Variants in TOGARAM1 observed in about 807,000 individuals in gnomAD.
TOGARAM1 encodes TOG array regulator of axonemal microtubules 1, also known as TOG array regulator of axonemal microtubules protein 1.
In TOGARAM1, 100 loss-of-function variants were observed where a neutral mutation model predicts 166.6. The observed-to-expected ratio is 0.60, with a 90% confidence interval of 0.51 to 0.71. The LOEUF (loss-of-function observed/expected upper bound fraction) is 0.71, where lower values mean the gene tolerates loss of function less well. Ranked by LOEUF, TOGARAM1 falls within the 30% of genes least tolerant of loss-of-function variation. The pLI, the probability that TOGARAM1 is intolerant of heterozygous loss-of-function variation, is 0.00. For missense variants in TOGARAM1, 2,029 were observed against 2,102.7 expected (o/e 0.96, Z 0.69); for synonymous variants, 758 against 763.8 (o/e 0.99, Z 0.13).
chr14:44,997,380 T>C (rs997350157), intron 2 of TOGARAM1: 14 of 113,178 alleles, frequency 1.2e-4, no homozygotes, highest in Non-Finnish European at 1.8e-4. Context: ...CACTCCAGCC[T>C]GGCAACAAAG....
Position 44,964,291 on chromosome 14 carries a change from T to C in TOGARAM1, c.1870T>C (p.Cys624Arg), listed in dbSNP as rs1398937069. Reference sequence around the variant, plus strand: ...TGGTAACAGAACTCAGAGTGCACACTGTCACTGTGGTGACCACGTGAGGGA... The same window carrying C: ...TGGTAACAGAACTCAGAGTGCACACCGTCACTGTGGTGACCACGTGAGGGA... ...LAGNRTQSAH[C>R]HCGDHVRDSM... Residue 624 changes from cysteine (C) to arginine (R), a missense_variant, in exon 1 of 20, where the codon TGT becomes CGT. Cys to Arg is a radical substitution (Grantham distance 180, BLOSUM62 -3). Transcript: ENST00000361462. The C allele has an allele frequency of 1.2e-6, 2 of 1,614,078 alleles. No homozygotes were observed. Among genetic ancestry groups the C allele is most frequent in the Non-Finnish European group, 1.7e-6 (2 of 1,180,050 alleles).
rs1450880308 is a variant in TOGARAM1 at position 45,006,168 on chromosome 14, A to G, written c.2805A>G (p.Lys935=). 43 of 1,613,990 alleles carry G rather than the reference A, an allele frequency of 2.7e-5. No individual in the cohort carries two copies. The highest frequency in any genetic ancestry group is 3.6e-5 in the Non-Finnish European group (42 of 1,179,990). The change falls in exon 5 of 20, where the codon AAA becomes AAG. Residue 935 remains lysine (K), a synonymous_variant. Transcript: ENST00000361462. ...DKADLSTVGH[K]KKEPDDIWKC... ...CTGATTTAAGCACAGTGGGACACAAAAAGAAAGAGCCTGATGATATTTGGA... is the reference window on the plus strand; with the variant it reads ...CTGATTTAAGCACAGTGGGACACAAGAAGAAAGAGCCTGATGATATTTGGA...
chr14:44,962,962 T>G lies in TOGARAM1; in HGVS notation c.541T>G (p.Leu181Val). ...TGAAGAGGCCTTTAGCTTAGCACTTTTGCCTCAACTAGTTGTCTCGTTACG... is the reference window on the plus strand; with the variant it reads ...TGAAGAGGCCTTTAGCTTAGCACTTGTGCCTCAACTAGTTGTCTCGTTACG... ...QLEEAFSLAL[L>V]PQLVVSLREE... is the part of the protein sequence containing the mutation. Residue 181 changes from leucine to valine, a missense_variant, in exon 1 of 20, where the codon TTG (leucine) becomes GTG (valine). Coordinates refer to ENST00000361462, the MANE Select transcript of TOGARAM1 (RefSeq NM_001308120.2). The G allele has an allele frequency of 6.2e-7, 1 of 1,614,178 alleles. No individual in the cohort carries two copies. The highest frequency in any genetic ancestry group is 8.5e-7 in the Non-Finnish European group (1 of 1,180,034).
chr14:45,009,122 A>C lies in TOGARAM1; in HGVS notation c.3114A>C (p.Thr1038=). The C allele has an allele frequency of 6.2e-7, 1 of 1,613,170 alleles. No individual in the cohort carries two copies. Residue 1038 remains threonine (T), a synonymous_variant, in exon 6 of 20, where the codon ACA becomes ACC. Coordinates refer to ENST00000361462, the MANE Select transcript of TOGARAM1 (RefSeq NM_001308120.2). The part of the protein sequence containing the change: ...SQESLTSSLS[T]TPQGKRIMSD... ...AATCATTGACTTCTTCTCTGTCTAC[A>C]ACTCCCCAGGGGAAGAGAATAATGT...
chr14:45,015,601 G>T (rs542652763), intron 7 of TOGARAM1, among the ~76,000 whole-genome samples: 2 of 150,542 alleles, frequency 1.3e-5, no homozygotes, highest in Non-Finnish European at 3.0e-5. Context: ...TTAAATTACG[G>T]ATATAATAAC....
chr14:45,045,086 C>T (rs769369987), intron 13 of TOGARAM1, among the ~76,000 whole-genome samples: 10 of 152,026 alleles, frequency 6.6e-5, no homozygotes, highest in East Asian at 1.9e-4. Context: ...TTTTGTCCCT[C>T]GGGCACCTTG....
At chr14:45,001,384 A>G (rs1887683175) in intron 3 of TOGARAM1, among the ~76,000 whole-genome samples, 1 of 152,248 alleles carries the variant, frequency 6.6e-6, no homozygotes, top group South Asian at 2.1e-4. Flanking sequence ...ACAGGTGACC[A>G]AAGCAAAAAT....
intron 1 of TOGARAM1, 67 bp downstream of exon 1, chr14:44,964,534 C>T: frequency 6.7e-7 from 1 of 1,484,026 alleles, no homozygotes; most frequent in Non-Finnish European, 9.0e-7. Flanking sequence ...CCCGTGATGA[C>T]TTAAGGGTCA....
chr14:45,054,270 A>C (rs1882523025), intron 15 of TOGARAM1, among the ~76,000 whole-genome samples, 161 bp from the exon 16 acceptor site: 1 of 152,194 alleles, frequency 6.6e-6, no homozygotes, highest in Admixed American at 6.5e-5. Context: ...TGCTAACTAC[A>C]AGGTGTTTTA....
intron 7 of TOGARAM1, among the ~76,000 whole-genome samples, chr14:45,016,717 A>G (rs1354245081): frequency 1.3e-5 from 2 of 152,148 alleles, no homozygotes; most frequent in African/African-American, 4.8e-5. Flanking sequence ...TTTAAAGCCT[A>G]TTTTATGAAA....
intron 1 of TOGARAM1, among the ~76,000 whole-genome samples, chr14:44,973,527 A>T (rs1220379542): frequency 6.7e-6 from 1 of 149,694 alleles, no homozygotes; most frequent in Non-Finnish European, 1.5e-5. Context: ...TGTTAAAAAT[A>T]TGAAAAATAA....
Position 45,068,629 on chromosome 14 carries a change from T to C in TOGARAM1, c.4955T>C (p.Leu1652Pro). The change falls in exon 18 of 20, where the codon CTG (leucine) becomes CCG (proline). Residue 1652 changes from leucine to proline, a missense_variant. By Grantham distance (98) the Leu-to-Pro change is moderately conservative. Around this residue, in one of 2 missense-constraint regions of TOGARAM1, gnomAD observed 576 missense variants for 670.5 expected, o/e 0.86. Coordinates refer to ENST00000361462, the MANE Select transcript of TOGARAM1 (RefSeq NM_001308120.2). ...GCTGCTACAAATGTTGTTCAGGCAC[T>C]GAGTCAGCATGTAGGTAAGAAATCT... ...YAAATNVVQA[L>P]SQHVDNYLLL... 6.3e-7 allele frequency: 1 copy of C among 1,599,436 alleles called. No individual in the cohort carries two copies. The highest frequency in any genetic ancestry group is 1.3e-5 in the African/African-American group (1 of 74,620).
intron 11 of TOGARAM1, among the ~76,000 whole-genome samples, chr14:45,038,244 T>G (rs1881538940): frequency 6.6e-6 from 1 of 152,168 alleles, no homozygotes; most frequent in African/African-American, 2.4e-5. Context: ...ATGGGATCCT[T>G]AAGGTGTTAC....
chr14:44,997,385 A>G lies in TOGARAM1; in HGVS notation c.2203+1483A>G, dbSNP rs184989994. The G allele has an allele frequency of 1.5e-4, 22 of 144,502 alleles. 1 individual carries two copies. The highest frequency in any genetic ancestry group is 5.6e-4 in the African/African-American group (21 of 37,344). The allele number at this position is 144,502 out of a possible 1,614,324, so 9.0% of individuals were successfully genotyped here. ...CGCACCACTGCACTCCAGCCTGGCA[A>G]CAAAGCAAGACTCCATCTCAAAAAA... On this transcript the variant is annotated intron_variant, in intron 2 of 19. Coordinates refer to ENST00000361462, the MANE Select transcript of TOGARAM1 (RefSeq NM_001308120.2).
rs566702080 is a variant in TOGARAM1, at chr14:45,005,156, C to G, written c.2644+790C>G. Among the ~76,000 whole-genome samples, 677 of 152,000 alleles carry G rather than the reference C, an allele frequency of 4.5e-3. 11 individuals are homozygous for G. Among genetic ancestry groups the G allele is most frequent in the South Asian group, 0.037 (178 of 4,788 alleles). On this transcript the variant is annotated intron_variant, in intron 4 of 19. Coordinates refer to ENST00000361462, the MANE Select transcript of TOGARAM1 (RefSeq NM_001308120.2). ...TCTCAAACTCCCGACCTCAGGTGATCAACCCGCCTCAACCTCCAAAGTGCT... is the reference window on the plus strand; with the variant it reads ...TCTCAAACTCCCGACCTCAGGTGATGAACCCGCCTCAACCTCCAAAGTGCT...
intron 11 of TOGARAM1, among the ~76,000 whole-genome samples, chr14:45,042,680 A>T (rs370490592): frequency 6.6e-6 from 1 of 152,200 alleles, no homozygotes; most frequent in African/African-American, 2.4e-5. Context: ...AATGTAGTCT[A>T]ATAAGTGCAC....
At chr14:45,037,864 A>G (rs1254749159) in intron 11 of TOGARAM1, among the ~76,000 whole-genome samples, 3 of 123,264 alleles carry the variant, frequency 2.4e-5, no homozygotes, top group Non-Finnish European at 4.9e-5. Flanking sequence ...CATCTCTACT[A>G]AAAAAAAAAA....
At chr14:45,068,201 G>A (rs1883220182) in intron 17 of TOGARAM1, among the ~76,000 whole-genome samples, 1 of 152,102 alleles carries the variant, frequency 6.6e-6, no homozygotes, top group Non-Finnish European at 1.5e-5. Flanking sequence ...CTTTTGGGGT[G>A]ATTTTTGAGG....
intron 16 of TOGARAM1, among the ~76,000 whole-genome samples, chr14:45,062,717 G>T (rs1566673655): frequency 6.6e-6 from 1 of 152,142 alleles, no homozygotes; most frequent in African/African-American, 2.4e-5. Context: ...AATAGGCTTT[G>T]TGGTAGATTA....
Sources: allele counts gnomAD v4.1 joint callset (sites outside exome capture counted in the v4.1 genomes callset), GRCh38; gene constraint gnomAD v4.1.1; regional missense constraint gnomAD v4.1.1; transcripts MANE v1.5; gene names NCBI Gene and HGNC (gene_info 2026-07-23, HGNC 2026-07-21).